The following FMO5 variants were observed in gnomAD, a reference collection of about 807,000 sequenced individuals.
FMO5 encodes flavin-containing monooxygenase 5.
In FMO5, 51 loss-of-function variants were observed where a neutral mutation model predicts 43.6. The ratio of observed to expected loss-of-function variants is 1.17; its 90% CI spans 0.93 to 1.48. The LOEUF is 1.48. Among genes scored for constraint, FMO5 ranks in the 40% most tolerant of loss-of-function variants. The pLI is 0.00. For synonymous variants in FMO5, 187 were observed against 216.5 expected, an observed-to-expected ratio of 0.86 and a Z score of 1.20; for missense variants, 644 against 643.0, an observed-to-expected ratio of 1.00 and a Z score of -0.02.
chr1:147,196,253 T>C (rs1657973267), intron 7 of FMO5, among the ~76,000 whole-genome samples: 1 of 152,180 alleles, frequency 6.6e-6, no homozygotes, highest in Non-Finnish European at 1.5e-5. Flanking sequence ...TTGTTTTCCA[T>C]GTGTTTTTAC....
At chr1:147,187,694 C>T (rs981553443) in intron 8 of FMO5, among the ~76,000 whole-genome samples, 1 of 152,044 alleles carries the variant, frequency 6.6e-6, no homozygotes, top group Non-Finnish European at 1.5e-5. Context: ...GCAGGACTTC[C>T]CAGGGCCAAT....
In FMO5 at chr1:147,207,594, C is replaced by T. The variant is rs143277709; in HGVS notation, c.830+1258G>A. ...TGCCATTTATTATTTCTGTTGCCCT[C>T]GGGAAAATTACTTAGTTTCTCTACA... is the stretch of plus-strand genomic sequence containing the variant. On this transcript the variant is annotated intron_variant, in intron 6 of 8. Coordinates refer to ENST00000254090, the MANE Select transcript of FMO5 (RefSeq NM_001461.4). 5.5e-4 allele frequency among the ~76,000 whole-genome samples: 83 copies of T among 152,188 alleles called. 1 individual carries two copies. Among genetic ancestry groups the T allele is most frequent in the African/African-American group, 1.8e-3 (76 of 41,528 alleles).
chr1:147,186,349 T>C lies in FMO5; in HGVS notation c.*551A>G. On this transcript the variant is annotated 3_prime_UTR_variant, in exon 9 of 9. Transcript: ENST00000254090. ...ACCATGTTTCAAGTACACTAGTGAA[T>C]AGCAAGTGAAACAAAATGTCTTAAG... is the stretch of plus-strand genomic sequence containing the variant. 3.1e-6 allele frequency: 3 copies of C among 968,738 alleles called. No homozygotes were observed. Among genetic ancestry groups the C allele is most frequent in the Non-Finnish European group, 3.7e-6 (3 of 814,720 alleles). The allele number at this position is 968,738 out of a possible 1,614,324, so 60.0% of individuals were successfully genotyped here.
At chr1:147,197,911 T>C (rs72708581) in intron 7 of FMO5, among the ~76,000 whole-genome samples, 7,336 of 152,236 alleles carry the variant, frequency 0.048, 274 homozygotes, top group East Asian at 0.17. Flanking sequence ...CTGAAGAATG[T>C]TGAAGAACAG....
chr1:147,202,419 A>C (rs1659185538), intron 6 of FMO5, among the ~76,000 whole-genome samples: 1 of 145,952 alleles, frequency 6.9e-6, no homozygotes, highest in Non-Finnish European at 1.5e-5. Flanking sequence ...TCCCAGGTTC[A>C]AGTGATTCTG....
At chr1:147,204,141 ATTC>A in intron 6 of FMO5, 1 of 1,074,450 alleles carries the variant, frequency 9.3e-7, no homozygotes, top group Non-Finnish European at 1.5e-6. Context: ...AAATTCATCA[ATTC>A]TTCATCAGTC....
In FMO5 at chr1:147,215,865, A is replaced by C; in HGVS notation, c.213T>G (p.Ser71Arg). 1 of 1,613,508 alleles carries C rather than the reference A, an allele frequency of 6.2e-7. No homozygotes were observed. The highest frequency in any genetic ancestry group is 8.5e-7 in the Non-Finnish European group (1 of 1,179,416). Residue 71 changes from serine (S) to arginine (R), a missense_variant, in exon 3 of 9, where the codon AGT becomes AGG. By Grantham distance (110) the Ser-to-Arg change is moderately radical. Transcript: ENST00000254090. The part of the protein sequence containing the change: ...INTSKEMMCF[S>R]DYPIPDHYPN... ...GATAATGATCTGGGATTGGATAGTCACTGAAGCACATCATCTCTTTAGAAG... is the reference window on the plus strand; with the variant it reads ...GATAATGATCTGGGATTGGATAGTCCCTGAAGCACATCATCTCTTTAGAAG...
At chr1:147,196,402 C>T (rs1553919825) in intron 7 of FMO5, among the ~76,000 whole-genome samples, 1 of 152,004 alleles carries the variant, frequency 6.6e-6, no homozygotes, top group East Asian at 1.9e-4. Flanking sequence ...TACTTCTACA[C>T]AACCACAAGT....
chr1:147,201,971 A>G (rs782594075), intron 6 of FMO5, among the ~76,000 whole-genome samples: 1 of 152,198 alleles, frequency 6.6e-6, no homozygotes, highest in Non-Finnish European at 1.5e-5. Context: ...TACAGTTTAT[A>G]AGTTGCTTTT....
At chr1:147,188,815 A>G (rs7512450) in intron 8 of FMO5, among the ~76,000 whole-genome samples, 9,790 of 151,832 alleles carry the variant, frequency 0.064, 792 homozygotes, top group African/African-American at 0.18. Context: ...ACTCAGGTTC[A>G]GGAGGTGGTT....
intron 3 of FMO5, chr1:147,214,804 TAAC>T (rs1661705156): frequency 6.6e-6 from 1 of 152,086 alleles, no homozygotes; most frequent in Non-Finnish European, 1.5e-5. Flanking sequence ...TTTATCCCCT[TAAC>T]TAGACTATAA....
intron 8 of FMO5, among the ~76,000 whole-genome samples, chr1:147,189,837 C>T (rs1284565730): frequency 1.3e-5 from 2 of 152,144 alleles, no homozygotes; most frequent in African/African-American, 4.8e-5. Context: ...TGTCACTCTT[C>T]CTTCCTCTGG....
intron 7 of FMO5, among the ~76,000 whole-genome samples, chr1:147,192,723 T>C (rs5932785): frequency 5.9e-5 from 9 of 152,128 alleles, no homozygotes; most frequent in African/African-American, 1.7e-4. Flanking sequence ...TAGCATGAAG[T>C]GTTGTTGAAT....
At chr1:147,213,252 C>T in intron 4 of FMO5, 56 bp downstream of exon 4, 7 of 1,403,374 alleles carry the variant, frequency 5.0e-6, no homozygotes, top group Non-Finnish European at 4.8e-6. Flanking sequence ...TCCCATTCCT[C>T]AGGGGTCAGG....
Position 147,208,947 on chromosome 1 carries a change from C to T in FMO5, c.735G>A (p.Trp245Ter). The T allele has an allele frequency of 5.0e-6, 8 of 1,613,976 alleles. No individual in the cohort carries two copies. The highest frequency in any genetic ancestry group is 6.8e-6 in the Non-Finnish European group (8 of 1,179,868). Reference protein sequence around the residue: ...LFSSRLTHFIWKICGQSLANK... With the variant: ...LFSSRLTHFI The stretch of plus-strand genomic sequence containing the variant: ...TTGCTAATGATTGGCCACAGATCTT[C>T]CATATAAAATGTGTAAGTCGAGAAG... Residue 245 changes from tryptophan to a stop codon, truncating the protein, a stop_gained, in exon 6 of 9, where the codon TGG (tryptophan) becomes TGA (stop). Transcript: ENST00000254090. LOFTEE classifies it high-confidence loss of function.
intron 4 of FMO5, among the ~76,000 whole-genome samples, chr1:147,212,766 G>A (rs1447150835): frequency 1.3e-5 from 2 of 152,100 alleles, no homozygotes; most frequent in Non-Finnish European, 1.5e-5. Context: ...AACTCAGGAT[G>A]TGTTTGTATT....
rs892808249 is a variant in FMO5 at position 147,187,115 on chromosome 1, A to C, written c.1387T>G (p.Leu463Val). 1.2e-6 allele frequency: 2 copies of C among 1,613,978 alleles called. No homozygotes were observed. The highest frequency in any genetic ancestry group is 2.7e-5 in the African/African-American group (2 of 74,900). The change falls in exon 9 of 9, where the codon TTA becomes GTA. Residue 463 changes from leucine (L) to valine (V), a missense_variant. Coordinates refer to ENST00000254090, the MANE Select transcript of FMO5 (RefSeq NM_001461.4). ...AFTDPKLALH[L>V]LLGPCTPIHY... ...ATTGGAGTGCAGGGTCCCAGTAATA[A>C]GTGTAATGCCAGCTTGGGGTCAGTG...
chr1:147,208,444 C>CTTTTTT (rs11374254), intron 6 of FMO5: 24 of 145,600 alleles, frequency 1.6e-4, no homozygotes, highest in Non-Finnish European at 3.0e-4. Flanking sequence ...CTTTTCTTTT[C>CTTTTTT]TTTTTTTTTT....
intron 3 of FMO5, chr1:147,215,352 A>G (rs1366133941): frequency 6.3e-6 from 1 of 158,480 alleles, no homozygotes; most frequent in African/African-American, 2.4e-5. Flanking sequence ...GTAAACAAAT[A>G]TATTGGAAAG....
Sources: allele counts gnomAD v4.1 joint callset (sites outside exome capture counted in the v4.1 genomes callset), GRCh38; gene constraint gnomAD v4.1.1; transcripts MANE v1.5; gene names NCBI Gene and HGNC (gene_info 2026-07-23, HGNC 2026-07-21).